FASTKD1: variants seen among roughly 807,000 people sequenced by gnomAD.
FASTKD1 encodes FAST kinase domain-containing protein 1, mitochondrial.
Under a neutral mutation model 90.9 loss-of-function variants are expected in FASTKD1, and 94 were observed. The ratio of observed to expected loss-of-function variants is 1.03; its 90% CI spans 0.88 to 1.23. FASTKD1 has a LOEUF of 1.23. Among genes scored for constraint, FASTKD1 ranks in the 50% most tolerant of loss-of-function variants. The pLI, the probability that FASTKD1 is intolerant of heterozygous loss-of-function variation, is 0.00. For synonymous variants in FASTKD1, 319 were observed against 345.8 expected, an observed-to-expected ratio of 0.92 and a Z score of 0.86; for missense variants, 945 against 993.5, an observed-to-expected ratio of 0.95 and a Z score of 0.66.
intron 4 of FASTKD1, among the ~76,000 whole-genome samples, chr2:169,562,941 G>A (rs1683776856): frequency 2.6e-5 from 4 of 152,058 alleles, no homozygotes; most frequent in Non-Finnish European, 4.4e-5. Context: ...TACGGCACAC[G>A]TAGGAAAATG....
intron 4 of FASTKD1, among the ~76,000 whole-genome samples, chr2:169,561,623 T>C (rs1683604305): frequency 6.6e-6 from 1 of 150,632 alleles, no homozygotes; most frequent in Non-Finnish European, 1.5e-5. Context: ...ATGGAAAGAA[T>C]AAAAAAGACA....
At chr2:169,564,425 TA>T (rs201443255) in intron 3 of FASTKD1, among the ~76,000 whole-genome samples, 4 of 151,796 alleles carry the variant, frequency 2.6e-5, no homozygotes, top group African/African-American at 7.2e-5. Context: ...TTATTAAAAT[TA>T]AAAAAAAAAT....
intron 7 of FASTKD1, among the ~76,000 whole-genome samples, chr2:169,554,563 C>G (rs1366454838): frequency 8.2e-6 from 1 of 122,430 alleles, no homozygotes; most frequent in Non-Finnish European, 1.9e-5. Flanking sequence ...ACTCGGGAGG[C>G]TGAGGCAGGA....
chr2:169,530,888 T>C (rs1414111172), intron 13 of FASTKD1, 187 bp from the exon 14 acceptor site: 3 of 681,952 alleles, frequency 4.4e-6, no homozygotes, highest in Non-Finnish European at 8.0e-6. Context: ...TACACAAAAT[T>C]ATTGTAAATA....
chr2:169,529,294 A>C lies in FASTKD1; in HGVS notation c.*531T>G, dbSNP rs997563306. 6.6e-6 allele frequency among the ~76,000 whole-genome samples: 1 copy of C among 151,678 alleles called. No individual in the cohort carries two copies. The highest frequency in any genetic ancestry group is 1.5e-5 in the Non-Finnish European group (1 of 67,952). On this transcript the variant is annotated 3_prime_UTR_variant, in exon 15 of 15. Transcript: ENST00000453153. ...GGACAAAAACTTAGAATTATCCTTG[A>C]CTCCTATTTGTCTCATACCTCATAT...
At chr2:169,543,769 C>T (rs948056039) in intron 9 of FASTKD1, among the ~76,000 whole-genome samples, 12 of 148,786 alleles carry the variant, frequency 8.1e-5, no homozygotes, top group African/African-American at 3.0e-4. Context: ...TTGTATTGTT[C>T]AATTTTTCTG....
chr2:169,566,003 T>G (rs545413909), intron 3 of FASTKD1, among the ~76,000 whole-genome samples: 2 of 152,222 alleles, frequency 1.3e-5, no homozygotes, highest in Non-Finnish European at 2.9e-5. Flanking sequence ...TCAAATCTTT[T>G]GCCCATTTTT....
intron 12 of FASTKD1, 23 bp from the exon 13 acceptor site, chr2:169,531,513 T>C: frequency 6.4e-7 from 1 of 1,572,982 alleles, no homozygotes; most frequent in Non-Finnish European, 8.6e-7. Context: ...TAGAAACTGG[T>C]AGTATGAATT....
chr2:169,543,619 C>A (rs1685057007), intron 9 of FASTKD1, among the ~76,000 whole-genome samples: 1 of 152,136 alleles, frequency 6.6e-6, no homozygotes, highest in African/African-American at 2.4e-5. Context: ...GTACACAGAG[C>A]TGACAACTGG....
chr2:169,541,298 CTT>C lies in FASTKD1; in HGVS notation c.1817-1121_1817-1120del, dbSNP rs567899053. 9.5e-4 allele frequency among the ~76,000 whole-genome samples: 144 copies of C among 152,250 alleles called. 2 individuals carry two copies. Among genetic ancestry groups the C allele is most frequent in the Non-Finnish European group, 1.1e-3 (77 of 68,006 alleles). ...TTCTCAATCTTTCTTTCCTTATACT[CTT>C]TAGCAACAAAATTTTCTAATTTCTA... On this transcript the variant is annotated intron_variant, in intron 9 of 14. Transcript: ENST00000453153.
chr2:169,546,949 A>G (rs1685234715), intron 7 of FASTKD1, among the ~76,000 whole-genome samples: 1 of 152,156 alleles, frequency 6.6e-6, no homozygotes. Context: ...CAGTTCTGAC[A>G]CAATCTACCT....
chr2:169,544,572 AAAAC>A (rs993554210), intron 9 of FASTKD1, 145 bp downstream of exon 9: 107 of 594,704 alleles, frequency 1.8e-4, no homozygotes, highest in African/African-American at 3.8e-4. Context: ...CTCTGTCTCA[AAAAC>A]AAACAAACAA....
intron 10 of FASTKD1, 58 bp from the exon 11 acceptor site, chr2:169,538,199 A>AT (rs1275284765): frequency 5.5e-6 from 8 of 1,461,716 alleles, no homozygotes; most frequent in Non-Finnish European, 7.4e-6. Context: ...AAGACAACCC[A>AT]TTTTTTTCAC....
chr2:169,568,628 TAAAAAAA>T (rs10618482), intron 3 of FASTKD1, among the ~76,000 whole-genome samples: 3 of 41,540 alleles, frequency 7.2e-5, no homozygotes, highest in South Asian at 1.8e-3. Context: ...CCCTGTCCAT[TAAAAAAA>T]AAAAAAAAAA....
intron 5 of FASTKD1, among the ~76,000 whole-genome samples, chr2:169,559,622 T>G (rs548277574): frequency 6.6e-6 from 1 of 152,230 alleles, no homozygotes; most frequent in Non-Finnish European, 1.5e-5. Context: ...TTCATCATCT[T>G]GCCTAGGCTG....
chr2:169,560,731 T>C lies in FASTKD1; in HGVS notation c.627A>G (p.Gln209=), dbSNP rs1683551611. The C allele has an allele frequency of 4.4e-6, 7 of 1,599,796 alleles. No homozygotes were observed. Among genetic ancestry groups the C allele is most frequent in the South Asian group, 2.3e-5 (2 of 87,678 alleles). ...GTTCTGTTTTGTTCACCAGTTGTTG[T>C]TGAAAATGTCGTGATATTAAAGAAG... ...NISSLISRHF[Q]QQLVNKTELL... Residue 209 remains glutamine, a synonymous_variant, in exon 5 of 15, where the codon CAA becomes CAG. Coordinates refer to ENST00000453153, the MANE Select transcript of FASTKD1 (RefSeq NM_024622.6).
At chr2:169,561,252 A>T (rs1486107423) in intron 4 of FASTKD1, among the ~76,000 whole-genome samples, 2 of 151,610 alleles carry the variant, frequency 1.3e-5, no homozygotes, top group Non-Finnish European at 2.9e-5. Context: ...ATTGCACTCC[A>T]GTCAGGGAAA....
intron 10 of FASTKD1, among the ~76,000 whole-genome samples, chr2:169,539,755 C>A (rs955168197): frequency 1.3e-5 from 2 of 152,084 alleles, no homozygotes; most frequent in Non-Finnish European, 2.9e-5. Context: ...CAGAGTGAGA[C>A]CCTGTCTCAA....
At chr2:169,545,195 G>A (rs1480889233) in intron 8 of FASTKD1, among the ~76,000 whole-genome samples, 1 of 152,034 alleles carries the variant, frequency 6.6e-6, no homozygotes, top group African/African-American at 2.4e-5. Context: ...GATTAGTCAG[G>A]GCAACATAGT....
Sources: allele counts gnomAD v4.1 joint callset (sites outside exome capture counted in the v4.1 genomes callset), GRCh38; gene constraint gnomAD v4.1.1; transcripts MANE v1.5; gene names NCBI Gene and HGNC (gene_info 2026-07-23, HGNC 2026-07-21).